Variants in VPS13C observed in about 807,000 individuals in gnomAD.
VPS13C encodes vacuolar protein sorting 13 homolog C.
In VPS13C, 358 loss-of-function variants were observed where a neutral mutation model predicts 456.8. The ratio of observed to expected loss-of-function variants is 0.78; its 90% CI spans 0.72 to 0.86. The LOEUF (loss-of-function observed/expected upper bound fraction) is 0.86. Ranked by LOEUF, VPS13C falls within the 40% of genes least tolerant of loss-of-function variation. The pLI is 0.00. For missense variants in VPS13C, 4,818 were observed against 4,385.4 expected, an observed-to-expected ratio of 1.10 and a Z score of -2.79; for synonymous variants, 1,578 against 1,486.7, an observed-to-expected ratio of 1.06 and a Z score of -1.41.
intron 66 of VPS13C, among the ~76,000 whole-genome samples, chr15:61,902,065 G>A (rs935540124): frequency 3.5e-5 from 5 of 143,072 alleles, no homozygotes; most frequent in South Asian, 2.2e-4. Context: ...TGAACAATGC[G>A]ATCACATGGA....
At chr15:62,020,290 A>G (rs1286683660) in intron 9 of VPS13C, among the ~76,000 whole-genome samples, 189 bp downstream of exon 9, 1 of 152,002 alleles carries the variant, frequency 6.6e-6, no homozygotes, top group African/African-American at 2.4e-5. Flanking sequence ...ACAGAAAGAC[A>G]AAAATAATTT....
rs1334507880 is a variant in VPS13C at position 61,909,035 on chromosome 15, T to A, written c.8935A>T (p.Ile2979Leu). Residue 2979 changes from isoleucine (I) to leucine (L), a missense_variant, in exon 65 of 85, where the codon ATA (isoleucine) becomes TTA (leucine). Transcript: ENST00000644861. ...ATGTCCCATGGTGTATGGTTCATTA[T>A]CAAGGCAGGTGCAGATCCCTCATGG... ...DYHEGSAPAL[I>L]MNHTPWDILT... 1.9e-6 allele frequency: 3 copies of A among 1,614,004 alleles called. No homozygotes were observed. Among genetic ancestry groups the A allele is most frequent in the Non-Finnish European group, 2.5e-6 (3 of 1,180,016 alleles).
chr15:62,044,747 T>G (rs541833576), intron 1 of VPS13C, among the ~76,000 whole-genome samples: 1 of 152,286 alleles, frequency 6.6e-6, no homozygotes, highest in South Asian at 2.1e-4. Context: ...GCTTCTAATA[T>G]TCTTTAATCA....
At chr15:61,871,197 C>T (rs1221680229) in intron 79 of VPS13C, among the ~76,000 whole-genome samples, 1 of 152,102 alleles carries the variant, frequency 6.6e-6, no homozygotes, top group Non-Finnish European at 1.5e-5. Flanking sequence ...TGAAGATTGA[C>T]TCCTATATTT....
At chr15:61,927,808 T>C (rs1204592623) in intron 51 of VPS13C, among the ~76,000 whole-genome samples, 1 of 152,132 alleles carries the variant, frequency 6.6e-6, no homozygotes, top group Non-Finnish European at 1.5e-5. Context: ...TGTCCAGCAA[T>C]GATAGACTGG....
At chr15:61,922,829 T>C in intron 53 of VPS13C, 67 bp from the exon 54 acceptor site, 2 of 1,223,226 alleles carry the variant, frequency 1.6e-6, no homozygotes, top group Non-Finnish European at 2.2e-6. Context: ...TATACATACA[T>C]GATTTTAAGT....
intron 20 of VPS13C, 71 bp from the exon 21 acceptor site, chr15:61,982,644 AC>A: frequency 9.6e-7 from 1 of 1,043,448 alleles, no homozygotes; most frequent in South Asian, 1.6e-5. Flanking sequence ...TCAAAGTTTC[AC>A]CTCAATTCTA....
intron 81 of VPS13C, chr15:61,863,864 C>A (rs998646320): frequency 5.6e-6 from 1 of 179,538 alleles, no homozygotes; most frequent in African/African-American, 2.4e-5. Flanking sequence ...TATAAAATAA[C>A]TACATTAACA....
intron 9 of VPS13C, among the ~76,000 whole-genome samples, chr15:62,015,145 T>A (rs1048652000): frequency 6.6e-6 from 1 of 152,174 alleles, no homozygotes; most frequent in Non-Finnish European, 1.5e-5. Context: ...ACCACTATCA[T>A]TAGTCACAGT....
In VPS13C at chr15:61,856,271, G is replaced by A; in HGVS notation, c.11076+15C>T. On this transcript the variant is annotated intron_variant, in intron 83 of 84. Coordinates refer to ENST00000644861, the MANE Select transcript of VPS13C (RefSeq NM_020821.3). ...AATGAACTCTTAGCTCTAAAGGTGT[G>A]ACATGTTTTCTTACCTTAACTGAAA... 2 of 1,612,286 alleles carry A rather than the reference G, an allele frequency of 1.2e-6. No individual in the cohort carries two copies. Among genetic ancestry groups the A allele is most frequent in the Non-Finnish European group, 1.7e-6 (2 of 1,179,064 alleles).
At position 62,011,710 on chromosome 15, in the gene VPS13C, T is replaced by A. The variant is rs192588922; in HGVS notation, c.883+397A>T. Among the ~76,000 whole-genome samples, 8 of 151,846 alleles carry A rather than the reference T, an allele frequency of 5.3e-5. No individual in the cohort carries two copies. In the East Asian group the frequency reaches 1.2e-3, roughly 22 times the overall value. On this transcript the variant is annotated intron_variant, in intron 12 of 84. Coordinates refer to ENST00000644861, the MANE Select transcript of VPS13C (RefSeq NM_020821.3). ...AGCTCACTAAAAAAATTCTCTAGAGTGGCAGGATTATGTTAACACTGCAAT... is the reference window on the plus strand; with the variant it reads ...AGCTCACTAAAAAAATTCTCTAGAGAGGCAGGATTATGTTAACACTGCAAT...
intron 30 of VPS13C, among the ~76,000 whole-genome samples, chr15:61,965,507 T>C (rs902237656): frequency 6.6e-6 from 1 of 151,910 alleles, no homozygotes; most frequent in African/African-American, 2.4e-5. Flanking sequence ...TAAAAAGCTC[T>C]GTTTATAAAA....
intron 9 of VPS13C, among the ~76,000 whole-genome samples, chr15:62,019,252 T>C (rs965499004): frequency 4.6e-5 from 7 of 152,174 alleles, no homozygotes; most frequent in Non-Finnish European, 8.8e-5. Flanking sequence ...CCTGGATTCA[T>C]TGATTTTTTG....
chr15:61,954,284 A>G, intron 38 of VPS13C, 137 bp downstream of exon 38: 1 of 896,144 alleles, frequency 1.1e-6, no homozygotes, highest in South Asian at 1.9e-5. Flanking sequence ...TTCAATTTTT[A>G]AAACATCACT....
rs1438617418 is a variant in VPS13C at position 61,931,246 on chromosome 15, G to T, written c.5882C>A (p.Ala1961Glu). 1 of 1,613,182 alleles carries T rather than the reference G, an allele frequency of 6.2e-7. No individual in the cohort carries two copies. The highest frequency in any genetic ancestry group is 8.5e-7 in the Non-Finnish European group (1 of 1,179,600). Reference protein sequence around the residue: ...NNDINQESGVAFHNDSFQLGE... With the variant: ...NNDINQESGVEFHNDSFQLGE... ...AAGTTGGAAACTGTCATTATGAAAT[G>T]CAACTCCAGATTCCTATGGTACATT... The change falls in exon 50 of 85, where the codon GCA becomes GAA. Residue 1961 changes from alanine (A) to glutamate (E), a missense_variant. Ala to Glu is a moderately radical substitution (Grantham distance 107). Around this residue, in one of 3 missense-constraint regions of VPS13C, gnomAD observed 4,552 missense variants for 4,130.6 expected, o/e 1.10. Coordinates refer to ENST00000644861, the MANE Select transcript of VPS13C (RefSeq NM_020821.3).
chr15:62,026,309 C>G (rs2047636173), intron 6 of VPS13C, among the ~76,000 whole-genome samples: 1 of 151,858 alleles, frequency 6.6e-6, no homozygotes. Context: ...TTTTTATCTT[C>G]CATTGGAAAT....
chr15:61,971,527 C>T (rs1248106431), intron 27 of VPS13C, among the ~76,000 whole-genome samples: 1 of 152,156 alleles, frequency 6.6e-6, no homozygotes, highest in African/African-American at 2.4e-5. Context: ...TCCCAAAGTG[C>T]TGGGATTACA....
chr15:61,900,005 C>G (rs2042947947), intron 66 of VPS13C, among the ~76,000 whole-genome samples: 1 of 152,124 alleles, frequency 6.6e-6, no homozygotes, highest in Admixed American at 6.5e-5. Context: ...GAGCCAAAGA[C>G]AAAAACCACA....
chr15:61,966,177 T>C lies in VPS13C; in HGVS notation c.2992-35A>G, dbSNP rs146442335. On this transcript the variant is annotated intron_variant, in intron 29 of 84. Coordinates refer to ENST00000644861, the MANE Select transcript of VPS13C (RefSeq NM_020821.3). ...GAAGTAAAAGTTCTAAAGAAGGTAC[T>C]AGGATCGAAGTAAATAAATCACTTA... The C allele has an allele frequency of 5.1e-5, 76 of 1,502,686 alleles. No individual in the cohort carries two copies. The African/African-American group carries it at 9.6e-4, about 19-fold the overall frequency. The allele number at this position is 1,502,686 out of a possible 1,614,324, so 93.1% of individuals were successfully genotyped here.
Sources: gnomAD v4.1 joint callset for allele counts (sites outside exome capture counted in the v4.1 genomes callset) on GRCh38, gnomAD v4.1.1 for gene constraint, gnomAD v4.1.1 regional missense constraint, MANE v1.5 for transcripts, NCBI Gene and HGNC (gene_info 2026-07-23, HGNC 2026-07-21) for gene names.